RAP1A: variants seen among roughly 807,000 people sequenced by gnomAD.
RAP1A encodes ras-related protein Rap-1A.
A neutral mutation model predicts 26.4 loss-of-function variants in RAP1A; 6 were observed. That is an observed-to-expected ratio of 0.23 (90% CI 0.12 to 0.45). RAP1A has a LOEUF of 0.45. Ranked by LOEUF, RAP1A falls within the 20% of genes least tolerant of loss-of-function variation. The pLI, the probability that RAP1A is intolerant of heterozygous loss-of-function variation, is 0.99. For synonymous variants in RAP1A, 73 were observed against 79.4 expected (o/e 0.92, Z 0.43); for missense variants, 121 against 217.2 (o/e 0.56, Z 2.78).
intron 1 of RAP1A, among the ~76,000 whole-genome samples, chr1:111,613,188 C>CTCTTTT (rs1050927887): frequency 2.7e-4 from 40 of 149,928 alleles, no homozygotes; most frequent in African/African-American, 8.8e-4. Context: ...CTGTTGCAAG[C>CTCTTTT]TCTTTTTCTT....
At chr1:111,660,629 C>T (rs1015749396) in intron 1 of RAP1A, among the ~76,000 whole-genome samples, 23 of 152,102 alleles carry the variant, frequency 1.5e-4, no homozygotes, top group Non-Finnish European at 2.8e-4. Flanking sequence ...TGCCCTTGAC[C>T]TTCTCTTTTA....
intron 1 of RAP1A, among the ~76,000 whole-genome samples, chr1:111,629,328 A>T (rs1165452888): frequency 6.6e-6 from 1 of 152,172 alleles, no homozygotes; most frequent in Non-Finnish European, 1.5e-5. Context: ...GTCATTCTAG[A>T]ACCTGACTAG....
intron 1 of RAP1A, among the ~76,000 whole-genome samples, chr1:111,597,043 A>G (rs775622019): frequency 3.9e-5 from 6 of 152,206 alleles, no homozygotes; most frequent in Non-Finnish European, 7.3e-5. Context: ...ATGCCTGCAT[A>G]TAAATGTATT....
chr1:111,617,721 A>G (rs572461989), upstream of RAP1A, among the ~76,000 whole-genome samples: 74 of 146,626 alleles, frequency 5.0e-4, 1 homozygote, highest in African/African-American at 1.6e-3. Context: ...GGTGTGAGCC[A>G]CCACGCCTGG....
chr1:111,690,850 A>G (rs1661644582), intron 1 of RAP1A, among the ~76,000 whole-genome samples: 1 of 152,346 alleles, frequency 6.6e-6, no homozygotes, highest in South Asian at 2.1e-4. Context: ...AATTATTTTC[A>G]AGATGACATT....
intron 1 of RAP1A, among the ~76,000 whole-genome samples, chr1:111,586,986 C>T (rs768350308): frequency 3.3e-5 from 5 of 152,112 alleles, no homozygotes; most frequent in African/African-American, 7.2e-5. Flanking sequence ...CTAAGGTCCA[C>T]GTAGAGGACT....
intron 1 of RAP1A, among the ~76,000 whole-genome samples, chr1:111,589,023 T>C (rs2101065320): frequency 6.6e-6 from 1 of 152,310 alleles, no homozygotes; most frequent in South Asian, 2.1e-4. Context: ...AAGAAGTGCT[T>C]TATTATAATT....
At chr1:111,573,428 G>A (rs918218135) in intron 1 of RAP1A, among the ~76,000 whole-genome samples, 1 of 151,612 alleles carries the variant, frequency 6.6e-6, no homozygotes, top group Non-Finnish European at 1.5e-5. Flanking sequence ...TTTGCCTCCC[G>A]GGTTGAAGCA....
chr1:111,577,223 C>A (rs1658163884), intron 1 of RAP1A, among the ~76,000 whole-genome samples: 1 of 151,718 alleles, frequency 6.6e-6, no homozygotes, highest in Non-Finnish European at 1.5e-5. Context: ...GTCAACATGG[C>A]AAAACCCTGT....
chr1:111,659,267 G>T (rs751334315), intron 1 of RAP1A, among the ~76,000 whole-genome samples: 2 of 152,118 alleles, frequency 1.3e-5, no homozygotes, highest in African/African-American at 2.4e-5. Flanking sequence ...ATTAGTCACA[G>T]TAAGAGACTG....
At chr1:111,700,455 G>A (rs746618929) in intron 4 of RAP1A, among the ~76,000 whole-genome samples, 58 of 152,064 alleles carry the variant, frequency 3.8e-4, no homozygotes, top group Non-Finnish European at 6.9e-4. Flanking sequence ...CAGATCTCAC[G>A]AGAACTCATA....
intron 1 of RAP1A, among the ~76,000 whole-genome samples, chr1:111,552,064 A>G (rs1657283438): frequency 6.6e-6 from 1 of 152,128 alleles, no homozygotes; most frequent in Non-Finnish European, 1.5e-5. Flanking sequence ...GTTTGCCCCA[A>G]CTGTTATCCA....
Position 111,705,141 on chromosome 1 carries a change from C to T in RAP1A, c.468+655C>T, listed in dbSNP as rs1217598228. Reference sequence around the variant, plus strand: ...CAACAGTTTACTAGTTTACTGGGCCCCTAAAAATTTAGAGCAATTTCCAAC... The same window carrying T: ...CAACAGTTTACTAGTTTACTGGGCCTCTAAAAATTTAGAGCAATTTCCAAC... On this transcript the variant is annotated intron_variant, in intron 6 of 7. Coordinates refer to ENST00000369709, the MANE Select transcript of RAP1A (RefSeq NM_002884.4). Among the ~76,000 whole-genome samples, 3 of 152,122 alleles carry T rather than the reference C, an allele frequency of 2.0e-5. No individual in the cohort carries two copies. In the East Asian group the frequency reaches 5.8e-4, roughly 29 times the overall value.
intron 1 of RAP1A, among the ~76,000 whole-genome samples, chr1:111,596,630 T>C (rs889641339): frequency 1.3e-5 from 2 of 152,178 alleles, no homozygotes; most frequent in African/African-American, 4.8e-5. Context: ...CATCAGAAAT[T>C]TATTTCTCAT....
chr1:111,611,312 C>G (rs952656312), intron 1 of RAP1A, among the ~76,000 whole-genome samples: 6 of 152,168 alleles, frequency 3.9e-5, no homozygotes, highest in East Asian at 1.9e-4. Context: ...AGGGAAGGAA[C>G]AGGAAACCTG....
intron 1 of RAP1A, among the ~76,000 whole-genome samples, chr1:111,556,424 G>A (rs1386995668): frequency 6.6e-6 from 1 of 152,140 alleles, no homozygotes; most frequent in Non-Finnish European, 1.5e-5. Flanking sequence ...AATAGAAAGT[G>A]GGGACTTGAA....
Position 111,645,646 on chromosome 1 carries a change from C to T in RAP1A, c.-28+25712C>T, listed in dbSNP as rs564054669. Among the ~76,000 whole-genome samples, 26 of 152,244 alleles carry T rather than the reference C, an allele frequency of 1.7e-4. No homozygotes were observed. In the South Asian group the frequency reaches 4.6e-3, roughly 27 times the overall value. ...TATAGAACTCCCATTCTGTGTTGGG[C>T]GCATAAATGATCTTTGTAGATACCA... On this transcript the variant is annotated intron_variant, in intron 1 of 7. Transcript: ENST00000369709.
In RAP1A at chr1:111,556,450, C is replaced by A. The variant is rs1571464403; in HGVS notation, c.-28+13941C>A. On this transcript the variant is annotated intron_variant, in intron 1 of 7. Coordinates refer to the RAP1A transcript ENST00000356415. The stretch of plus-strand genomic sequence containing the variant: ...GGGACTTGAACAGATATTTGTACAC[C>A]CATGTTTATAGCAGCATTACTCACA... 4.6e-5 allele frequency among the ~76,000 whole-genome samples: 7 copies of A among 152,176 alleles called. No homozygotes were observed. In the South Asian group the frequency reaches 1.5e-3, roughly 32 times the overall value.
At position 111,648,862 on chromosome 1, in the gene RAP1A, G is replaced by T. The variant is rs1258003569; in HGVS notation, c.-28+28928G>T. 3.9e-6 allele frequency: 3 copies of T among 769,244 alleles called. 1 individual carries two copies. Among genetic ancestry groups the T allele is most frequent in the Admixed American group, 3.5e-5 (2 of 57,020 alleles). The allele number at this position is 769,244 out of a possible 1,614,324, so 47.7% of individuals were successfully genotyped here. On this transcript the variant is annotated intron_variant, in intron 1 of 7. Transcript: ENST00000369709. ...ATGATCTTGCTGTCCTGAGATTTGG[G>T]GGCATCTGCCTCCATGGTCAACCCA...
Sources: allele counts gnomAD v4.1 joint callset (sites outside exome capture counted in the v4.1 genomes callset), GRCh38; gene constraint gnomAD v4.1.1; transcripts MANE v1.5; gene names NCBI Gene and HGNC (gene_info 2026-07-23, HGNC 2026-07-21).